The following FBXL16 variants were observed in gnomAD, a reference collection of about 807,000 sequenced individuals.
FBXL16 encodes the protein F-box and leucine rich repeat protein 16.
In FBXL16, 7 loss-of-function variants were observed where a neutral mutation model predicts 36.7. The observed-to-expected ratio is 0.19, with a 90% CI of 0.11 to 0.36. The LOEUF (loss-of-function observed/expected upper bound fraction) is 0.36, where lower values mean the gene tolerates loss of function less well. FBXL16 is among the 10% of genes least tolerant of loss of function. The pLI is 1.00. For synonymous variants in FBXL16, 355 were observed against 308.7 expected (o/e 1.15, Z -1.57); for missense variants, 463 against 659.4 (o/e 0.70, Z 3.26).
chr16:698,913 C>CAAAAAAAAAAA (rs767619638), intron 1 of FBXL16, among the ~76,000 whole-genome samples: 6 of 89,708 alleles, frequency 6.7e-5, no homozygotes, highest in Admixed American at 1.1e-4. Flanking sequence ...GACTTTGTCT[C>CAAAAAAAAAAA]AAAAAAAAAA....
rs2151519377 is a variant in FBXL16, at chr16:693,812, C to T, written c.*463G>A. On this transcript the variant is annotated 3_prime_UTR_variant, in exon 6 of 6. Coordinates refer to ENST00000397621, the MANE Select transcript of FBXL16 (RefSeq NM_153350.4). ...CCCGTGTCCTGGGGGACCCAGCCCC[C>T]TCAATCCCACTGGGCCCTGCCCGGG... The T allele has an allele frequency of 6.5e-6, 1 of 153,068 alleles. No homozygotes were observed. Among genetic ancestry groups the T allele is most frequent in the Admixed American group, 6.5e-5 (1 of 15,312 alleles). 9.5% of individuals were successfully genotyped at this position (153,068 alleles called of 1,614,324 possible).
intron 3 of FBXL16, 72 bp downstream of exon 3, chr16:695,333 GGCCCCGTGCA>G: frequency 1.0e-6 from 1 of 990,594 alleles, no homozygotes; most frequent in South Asian, 2.7e-5. Flanking sequence ...CCCCGCCCCC[GGCCCCGTGCA>G]GCCCCGCCCC....
rs1277365903 is a variant in FBXL16, at chr16:697,796, C to T, written c.-14-377G>A. 6.6e-6 allele frequency among the ~76,000 whole-genome samples: 1 copy of T among 152,010 alleles called. No individual in the cohort carries two copies. The highest frequency in any genetic ancestry group is 2.4e-5 in the African/African-American group (1 of 41,408). On this transcript the variant is annotated intron_variant, in intron 1 of 5. Coordinates refer to ENST00000397621, the MANE Select transcript of FBXL16 (RefSeq NM_153350.4). The surrounding 1 kb of genome is among the most constrained non-coding windows in gnomAD (Gnocchi z 4.6). ...CGGGTGGATCATGAGGTCAGGAGAT[C>T]GAGACCATCCTGGCTAACACAGTGA...
At position 695,044 on chromosome 16, in the gene FBXL16, T is replaced by C. The variant is rs1175651284; in HGVS notation, c.1175A>G (p.Tyr392Cys). The C allele has an allele frequency of 1.3e-6, 2 of 1,593,030 alleles. No homozygotes were observed. Among genetic ancestry groups the C allele is most frequent in the Non-Finnish European group, 1.7e-6 (2 of 1,167,222 alleles). The change falls in exon 4 of 6, where the codon TAT (tyrosine) becomes TGT (cysteine). Residue 392 changes from tyrosine to cysteine, a missense_variant. Coordinates refer to ENST00000397621, the MANE Select transcript of FBXL16 (RefSeq NM_153350.4). ...GCGGAGGGACGACATGGTGGACAGATAGCTGAGGCCAGTGTCCGTGATGCG... is the reference window on the plus strand; with the variant it reads ...GCGGAGGGACGACATGGTGGACAGACAGCTGAGGCCAGTGTCCGTGATGCG... ...CVRITDTGLS[Y>C]LSTMSSLRSL...
chr16:704,286 G>A (rs1477281874), intron 1 of FBXL16, among the ~76,000 whole-genome samples: 2 of 152,210 alleles, frequency 1.3e-5, no homozygotes, highest in African/African-American at 2.4e-5. Flanking sequence ...GGTAGGACTC[G>A]TCCAGCCGCC....
chr16:695,495 C>T lies in FBXL16; in HGVS notation c.1062G>A (p.Ser354=), dbSNP rs761536604. 31 of 1,591,840 alleles carry T rather than the reference C, an allele frequency of 1.9e-5. No individual in the cohort carries two copies. The Middle Eastern group carries it at 2.3e-3, about 119-fold the overall frequency. The change falls in exon 3 of 6, where the codon TCG becomes TCA. Residue 354 remains serine (S), a synonymous_variant. Coordinates refer to ENST00000397621, the MANE Select transcript of FBXL16 (RefSeq NM_153350.4). ...NLRKLRSLDL[S]WCPRITDMAL... is the part of the protein sequence containing the mutation. Reference sequence around the variant, plus strand: ...CCATGTCGGTGATGCGTGGGCACCACGAGAGGTCAAGGCTGCGCAGCTTGC... The same window carrying T: ...CCATGTCGGTGATGCGTGGGCACCATGAGAGGTCAAGGCTGCGCAGCTTGC...
intron 2 of FBXL16, among the ~76,000 whole-genome samples, chr16:696,267 A>G (rs533251745): frequency 2.4e-4 from 36 of 151,852 alleles, no homozygotes; most frequent in Non-Finnish European, 4.7e-4. Flanking sequence ...TCATTCAATC[A>G]TTTTGAGACA....
At chr16:698,684 A>C (rs933333497) in intron 1 of FBXL16, among the ~76,000 whole-genome samples, 1 of 152,138 alleles carries the variant, frequency 6.6e-6, no homozygotes, top group Non-Finnish European at 1.5e-5. Context: ...TGGGAGGCTG[A>C]GGTGGGTGGA....
intron 5 of FBXL16, 53 bp downstream of exon 5, chr16:694,581 T>G: frequency 6.4e-7 from 1 of 1,559,778 alleles, no homozygotes; most frequent in East Asian, 2.3e-5. Flanking sequence ...GCGGGTGGAC[T>G]AAGTGGGGGT....
In FBXL16 at chr16:695,681, C is replaced by G; in HGVS notation, c.876G>C (p.Gln292His). ...DTALAYFTAR[Q>H]GHSTHTLRLL... ...GGCGCAGCGTGTGCGTGCTGTGGCC[C>G]TGGCGCGCCGTGAAGTAGGCCAGCG... is the stretch of plus-strand genomic sequence containing the variant. Residue 292 changes from glutamine (Q) to histidine (H), a missense_variant, in exon 3 of 6, where the codon CAG (glutamine) becomes CAC (histidine). By Grantham distance (24) the Gln-to-His change is conservative (BLOSUM62 0). This residue lies in a region of FBXL16 where 66 missense variants were observed against 146.3 expected (regional missense o/e 0.45). Coordinates refer to ENST00000397621, the MANE Select transcript of FBXL16 (RefSeq NM_153350.4). 1 of 1,605,956 alleles carries G rather than the reference C, an allele frequency of 6.2e-7. No homozygotes were observed.
At chr16:696,534 G>C (rs1208400472) in intron 2 of FBXL16, among the ~76,000 whole-genome samples, 2 of 152,234 alleles carry the variant, frequency 1.3e-5, no homozygotes, top group African/African-American at 2.4e-5. Flanking sequence ...ATAGTGCCGG[G>C]ATGACAGGCT....
chr16:702,743 A>G (rs1207834169), intron 1 of FBXL16, among the ~76,000 whole-genome samples: 1 of 152,146 alleles, frequency 6.6e-6, no homozygotes, highest in Non-Finnish European at 1.5e-5. Context: ...TTGGTACCTG[A>G]GTCACTGAGA....
intron 4 of FBXL16, 30 bp downstream of exon 4, chr16:694,962 C>G: frequency 6.6e-7 from 1 of 1,508,422 alleles, no homozygotes; most frequent in Non-Finnish European, 8.9e-7. Flanking sequence ...CCCCGCCGAT[C>G]CCCCAATCCC....
intron 1 of FBXL16, among the ~76,000 whole-genome samples, chr16:702,252 C>T (rs1328413329): frequency 6.6e-6 from 1 of 152,154 alleles, no homozygotes; most frequent in Admixed American, 6.5e-5. Context: ...GCTCCTCTGC[C>T]TGGGCACACG....
rs2039997148 is a variant in FBXL16, at chr16:694,673, G to A, written c.1252C>T (p.Leu418Phe). The A allele has an allele frequency of 1.9e-6, 3 of 1,609,458 alleles. No individual in the cohort carries two copies. The highest frequency in any genetic ancestry group is 2.5e-6 in the Non-Finnish European group (3 of 1,178,288). Reference protein sequence around the residue: ...CQVQDFGLKHLLALGSLRLLS... With the variant: ...CQVQDFGLKHFLALGSLRLLS... The stretch of plus-strand genomic sequence containing the variant: ...AGGCGCAAACTCCCCAGGGCCAGGA[G>A]GTGCTTCAGCCCGAAGTCTTGCACC... The change falls in exon 5 of 6, where the codon CTC (leucine) becomes TTC (phenylalanine). Residue 418 changes from leucine to phenylalanine, a missense_variant. Physicochemically the swap from Leu to Phe is conservative, Grantham distance 22. This residue lies in a region of FBXL16 where 134 missense variants were observed against 172.0 expected (regional missense o/e 0.78). Coordinates refer to ENST00000397621, the MANE Select transcript of FBXL16 (RefSeq NM_153350.4).
chr16:702,661 C>T (rs1166913407), intron 1 of FBXL16, among the ~76,000 whole-genome samples: 1 of 152,204 alleles, frequency 6.6e-6, no homozygotes, highest in Non-Finnish European at 1.5e-5. Flanking sequence ...GAAGGCACAG[C>T]TCGGGAAATT....
rs762012531 is a variant in FBXL16 at position 694,391 on chromosome 16, C to G, written c.1324G>C (p.Gly442Arg). 11 of 1,543,756 alleles carry G rather than the reference C, an allele frequency of 7.1e-6. No homozygotes were observed. In the South Asian group the frequency reaches 1.3e-4, roughly 19 times the overall value. The change falls in exon 6 of 6, where the codon GGC becomes CGC. Residue 442 changes from glycine to arginine, a missense_variant. This residue lies in a region of FBXL16 where 134 missense variants were observed against 172.0 expected (regional missense o/e 0.78). Transcript: ENST00000397621. Reference protein sequence around the residue: ...CPLLTTTGLSGLVQLQELEEL... With the variant: ...CPLLTTTGLSRLVQLQELEEL... ...TCCAGCTCCTGCAGCTGCACCAGGC[C>G]CGACAGCCCGGTGGTGGTGAGCAGC...
chr16:695,193 G>A (rs770606333), intron 3 of FBXL16, 117 bp from the exon 4 acceptor site: 1 of 1,232,524 alleles, frequency 8.1e-7, no homozygotes, highest in Non-Finnish European at 1.1e-6. Context: ...AGCAGCCGCT[G>A]GCCCCTCCTC....
At position 694,044 on chromosome 16, in the gene FBXL16, G is replaced by T; in HGVS notation, c.*231C>A. 1 of 219,834 alleles carries T rather than the reference G, an allele frequency of 4.5e-6. No individual in the cohort carries two copies. Among genetic ancestry groups the T allele is most frequent in the African/African-American group, 2.3e-5 (1 of 43,430 alleles). 13.6% of individuals were successfully genotyped at this position (219,834 alleles called of 1,614,324 possible). A position where few individuals can be genotyped will look rare whatever the true frequency, so the allele number is the denominator to read the frequency against. On this transcript the variant is annotated 3_prime_UTR_variant, in exon 6 of 6. Coordinates refer to ENST00000397621, the MANE Select transcript of FBXL16 (RefSeq NM_153350.4). ...GCATGCACAAAGTCCCCGAGTGTGC[G>T]TGCGTGCGTGGGGCGGGCCCACCCG...
Sources: allele counts gnomAD v4.1 joint callset (sites outside exome capture counted in the v4.1 genomes callset), GRCh38; gene constraint gnomAD v4.1.1; regional missense constraint gnomAD v4.1.1; non-coding constraint Gnocchi (gnomAD v3.1); transcripts MANE v1.5; gene names NCBI Gene and HGNC (gene_info 2026-07-23, HGNC 2026-07-21).